KIT: variants seen among roughly 807,000 people sequenced by gnomAD.
KIT encodes mast/stem cell growth factor receptor Kit.
Under a neutral mutation model 105.7 loss-of-function variants are expected in KIT, and 16 were observed. The observed-to-expected ratio is 0.15, with a 90% CI of 0.10 to 0.23. KIT has a LOEUF of 0.23. Ranked by LOEUF, KIT falls within the 10% of genes least tolerant of loss-of-function variation. The pLI is 1.00. For synonymous variants in KIT, 438 were observed against 441.1 expected (o/e 0.99, Z 0.09); for missense variants, 858 against 1,213.8 (o/e 0.71, Z 4.36).
At chr4:54,658,119 C>T (rs2109521966) in intron 1 of KIT, 38 bp downstream of exon 1, 3 of 1,603,580 alleles carry the variant, frequency 1.9e-6, no homozygotes, top group Non-Finnish European at 2.6e-6. Flanking sequence ...CGTGCGACTA[C>T]TCGGCGAAGC....
intron 9 of KIT, among the ~76,000 whole-genome samples, chr4:54,726,636 T>TTTTG (rs559384432): frequency 1.3e-5 from 2 of 151,950 alleles, no homozygotes; most frequent in African/African-American, 2.4e-5. Flanking sequence ...CTTCTTGGGG[T>TTTTG]TTTGTTTGTT....
In KIT at chr4:54,657,980, T is replaced by C. The variant is rs749855287; in HGVS notation, c.-35T>C. 2.5e-6 allele frequency: 4 copies of C among 1,608,470 alleles called. No homozygotes were observed. The highest frequency in any genetic ancestry group is 4.5e-5 in the East Asian group (2 of 44,788). Reference sequence around the variant, plus strand: ...CTGCACTTGGGCGAGAGCTGGAACGTGGACCAGAGCTCGGATCCCATCGCA... The same window carrying C: ...CTGCACTTGGGCGAGAGCTGGAACGCGGACCAGAGCTCGGATCCCATCGCA... On this transcript the variant is annotated 5_prime_UTR_variant, in exon 1 of 21. Transcript: ENST00000288135.
At chr4:54,728,196 A>G in intron 13 of KIT, 75 bp downstream of exon 13, 2 of 1,085,686 alleles carry the variant, frequency 1.8e-6, no homozygotes, top group South Asian at 1.3e-5. Flanking sequence ...GATTTTGGCA[A>G]TGCTAGATTA....
chr4:54,708,563 G>A (rs1720935128), intron 6 of KIT, among the ~76,000 whole-genome samples: 1 of 152,160 alleles, frequency 6.6e-6, no homozygotes, highest in South Asian at 2.1e-4. Context: ...GGAGAATGCT[G>A]CAGGCAAGTG....
chr4:54,698,653 G>A (rs1407017186), intron 3 of KIT, 88 bp downstream of exon 3: 4 of 1,403,152 alleles, frequency 2.9e-6, no homozygotes, highest in Admixed American at 3.4e-5. Flanking sequence ...CCTTAGTGTA[G>A]TCAATCAGGG....
intron 1 of KIT, among the ~76,000 whole-genome samples, chr4:54,687,450 A>G (rs1215050787): frequency 1.3e-5 from 2 of 152,134 alleles, no homozygotes; most frequent in African/African-American, 2.4e-5. Flanking sequence ...CCAAAAAAAA[A>G]ATAAAAAAAA....
chr4:54,716,650 C>T (rs773704002), intron 7 of KIT, among the ~76,000 whole-genome samples: 1 of 152,120 alleles, frequency 6.6e-6, no homozygotes, highest in African/African-American at 2.4e-5. Flanking sequence ...TATAATTTCT[C>T]TAGCCCATGC....
At chr4:54,730,790 G>A (rs1722536262) in intron 14 of KIT, among the ~76,000 whole-genome samples, 2 of 152,120 alleles carry the variant, frequency 1.3e-5, no homozygotes, top group Non-Finnish European at 2.9e-5. Context: ...ATCTTGAAGA[G>A]TCTCCAGCCA....
chr4:54,677,544 GCCT>G (rs1480080253), intron 1 of KIT, among the ~76,000 whole-genome samples: 14 of 152,192 alleles, frequency 9.2e-5, no homozygotes, highest in Admixed American at 2.6e-4. Flanking sequence ...AGTGACTCTT[GCCT>G]CCTCTTTCCT....
intron 7 of KIT, among the ~76,000 whole-genome samples, chr4:54,719,871 A>G (rs1721751412): frequency 6.6e-6 from 1 of 152,204 alleles, no homozygotes; most frequent in African/African-American, 2.4e-5. Flanking sequence ...AAACATTTTC[A>G]TAATGCAACT....
At chr4:54,710,433 C>T (rs576813547) in intron 7 of KIT, among the ~76,000 whole-genome samples, 15 of 152,162 alleles carry the variant, frequency 9.9e-5, no homozygotes, top group African/African-American at 3.6e-4. Flanking sequence ...AGAGCTTAGG[C>T]GTTATGCTGG....
chr4:54,698,812 T>C (rs1192485588), intron 3 of KIT, among the ~76,000 whole-genome samples: 1 of 152,244 alleles, frequency 6.6e-6, no homozygotes, highest in Non-Finnish European at 1.5e-5. Context: ...TAGACTGGAC[T>C]GACTTAAGTC....
intron 5 of KIT, among the ~76,000 whole-genome samples, chr4:54,704,794 TGATCAA>T (rs1446139120): frequency 6.6e-6 from 1 of 152,206 alleles, no homozygotes; most frequent in Non-Finnish European, 1.5e-5. Flanking sequence ...GCAAAATTCT[TGATCAA>T]GAACAATAAT....
chr4:54,703,861 A>G lies in KIT; in HGVS notation c.894A>G (p.Ser298=). ...FMCYANNTFG[S]ANVTTTLEVV... ...GTTATGCCAATAATACTTTTGGATC[A>G]GCAAATGTCACAACAACCTTGGAAG... Residue 298 remains serine, a synonymous_variant, in exon 5 of 21, where the codon TCA becomes TCG. Transcript: ENST00000288135. The G allele has an allele frequency of 4.3e-6, 7 of 1,613,938 alleles. No homozygotes were observed. The highest frequency in any genetic ancestry group is 1.1e-5 in the South Asian group (1 of 91,078).
chr4:54,732,567 G>A (rs954708530), intron 16 of KIT, among the ~76,000 whole-genome samples: 3 of 152,064 alleles, frequency 2.0e-5, no homozygotes, highest in East Asian at 1.9e-4. Context: ...AAGATTAACC[G>A]AACAGAATGA....
chr4:54,698,606 C>T (rs756920327), intron 3 of KIT, 41 bp downstream of exon 3: 2 of 1,606,324 alleles, frequency 1.2e-6, no homozygotes, highest in Non-Finnish European at 1.7e-6. Context: ...GTTGAGAACT[C>T]ACTTATCTAA....
At chr4:54,709,866 G>T (rs1721028888) in intron 7 of KIT, among the ~76,000 whole-genome samples, 1 of 152,226 alleles carries the variant, frequency 6.6e-6, no homozygotes, top group African/African-American at 2.4e-5. Context: ...GGGGCTAGTG[G>T]TTGAATAGGA....
At chr4:54,721,874 A>G (rs1721901168) in intron 7 of KIT, among the ~76,000 whole-genome samples, 1 of 152,208 alleles carries the variant, frequency 6.6e-6, no homozygotes, top group Non-Finnish European at 1.5e-5. Context: ...TAAAGAAGGA[A>G]TTTTTAGATT....
rs746805825 is a variant in KIT at position 54,727,423 on chromosome 4, T to C, written c.1655T>C (p.Met552Thr). 1.1e-5 allele frequency: 17 copies of C among 1,614,066 alleles called. No homozygotes were observed. The highest frequency in any genetic ancestry group is 1.4e-5 in the Non-Finnish European group (17 of 1,180,028). The change falls in exon 11 of 21, where the codon ATG (methionine) becomes ACG (threonine). Residue 552 changes from methionine to threonine, a missense_variant. By Grantham distance (81) the Met-to-Thr change is moderately conservative. Transcript: ENST00000288135. Reference sequence around the variant, plus strand: ...TTCCCTTTCTCCCCACAGAAACCCATGTATGAAGTACAGTGGAAGGTTGTT... The same window carrying C: ...TTCCCTTTCTCCCCACAGAAACCCACGTATGAAGTACAGTGGAAGGTTGTT... Reference protein sequence around the residue: ...ILTYKYLQKPMYEVQWKVVEE... With the variant: ...ILTYKYLQKPTYEVQWKVVEE...
Sources: gnomAD v4.1 joint callset for allele counts (sites outside exome capture counted in the v4.1 genomes callset) on GRCh38, gnomAD v4.1.1 for gene constraint, MANE v1.5 for transcripts, NCBI Gene and HGNC (gene_info 2026-07-23, HGNC 2026-07-21) for gene names.